Variants in NAALADL2 observed in about 807,000 individuals in gnomAD.
NAALADL2 encodes N-acetylated alpha-linked acidic dipeptidase like 2, also known as inactive N-acetylated-alpha-linked acidic dipeptidase-like protein 2.
In NAALADL2, 76 loss-of-function variants were observed where a neutral mutation model predicts 87.2. The observed-to-expected ratio is 0.87, with a 90% confidence interval of 0.72 to 1.05. The LOEUF is 1.05. Ranked by LOEUF, NAALADL2 falls within the 50% of genes least tolerant of loss-of-function variation. NAALADL2 has a pLI of 0.00. For synonymous variants in NAALADL2, 354 were observed against 331.0 expected (o/e 1.07, Z -0.75); for missense variants, 1,089 against 945.8 (o/e 1.15, Z -1.99).
At chr3:175,089,646 G>C (rs1270889324) in intron 1 of NAALADL2, among the ~76,000 whole-genome samples, 1 of 152,072 alleles carries the variant, frequency 6.6e-6, no homozygotes, top group Non-Finnish European at 1.5e-5. Context: ...TTGTCACTCT[G>C]TACATCAAAA....
intron 2 of NAALADL2, among the ~76,000 whole-genome samples, chr3:174,603,679 T>G (rs972493107): frequency 1.3e-5 from 2 of 152,096 alleles, no homozygotes; most frequent in African/African-American, 2.4e-5. Flanking sequence ...GGTTGTTTAT[T>G]TGAAGTTTTT....
chr3:174,988,654 G>C (rs927374276), intron 1 of NAALADL2, among the ~76,000 whole-genome samples: 1 of 152,104 alleles, frequency 6.6e-6, no homozygotes, highest in Non-Finnish European at 1.5e-5. Context: ...CTCTCTCCTA[G>C]CTTCTAGTAG....
At chr3:174,557,700 GT>G (rs35195211) in intron 2 of NAALADL2, among the ~76,000 whole-genome samples, 63,336 of 151,010 alleles carry the variant, frequency 0.42, 13,725 homozygotes, top group African/African-American at 0.52. Flanking sequence ...TACTAGAACT[GT>G]TTTTTTTTGT....
At chr3:174,811,553 C>T (rs1267951269) in intron 3 of NAALADL2, among the ~76,000 whole-genome samples, 1 of 152,138 alleles carries the variant, frequency 6.6e-6, no homozygotes, top group Admixed American at 6.5e-5. Context: ...GATTATTTAC[C>T]CAATGCCTAT....
At chr3:174,482,964 A>G (rs1218660368) in intron 1 of NAALADL2, among the ~76,000 whole-genome samples, 2 of 152,054 alleles carry the variant, frequency 1.3e-5, no homozygotes, top group African/African-American at 4.8e-5. Context: ...GTGATGTGTT[A>G]AAGTGATAAT....
chr3:175,577,354 T>G (rs1719049398), intron 10 of NAALADL2, among the ~76,000 whole-genome samples: 1 of 152,202 alleles, frequency 6.6e-6, no homozygotes, highest in African/African-American at 2.4e-5. Context: ...TATTGTCTGA[T>G]TGTAAGTACA....
chr3:175,134,455 G>A (rs1041948680), intron 2 of NAALADL2, among the ~76,000 whole-genome samples: 1 of 152,082 alleles, frequency 6.6e-6, no homozygotes, highest in Admixed American at 6.5e-5. Context: ...TTTCATGACT[G>A]TTTTGTAGCT....
At chr3:175,615,926 C>T (rs1290736604) in intron 10 of NAALADL2, among the ~76,000 whole-genome samples, 1 of 146,408 alleles carries the variant, frequency 6.8e-6, no homozygotes, top group Non-Finnish European at 1.5e-5. Context: ...TATATTATTA[C>T]ATATGATTAT....
chr3:175,156,616 A>G, intron 2 of NAALADL2, among the ~76,000 whole-genome samples: 2 of 152,204 alleles, frequency 1.3e-5, no homozygotes, highest in South Asian at 4.2e-4. Context: ...TACTGATTAA[A>G]TATTATTCTT....
chr3:174,904,228 G>A (rs1732699996), intron 1 of NAALADL2, among the ~76,000 whole-genome samples: 1 of 151,698 alleles, frequency 6.6e-6, no homozygotes, highest in Non-Finnish European at 1.5e-5. Flanking sequence ...CCAAAATCTG[G>A]ACTCAGTAAA....
intron 3 of NAALADL2, among the ~76,000 whole-genome samples, chr3:174,750,061 G>A (rs914970731): frequency 2.0e-5 from 3 of 152,120 alleles, no homozygotes. Flanking sequence ...TTTCCACCGT[G>A]TCTCCAGTCT....
At chr3:174,873,451 C>G (rs899455856) in intron 1 of NAALADL2, among the ~76,000 whole-genome samples, 12 of 151,956 alleles carry the variant, frequency 7.9e-5, no homozygotes, top group Non-Finnish European at 1.5e-4. Context: ...GATGGGGTTT[C>G]ACTCTTCTGG....
At chr3:175,384,645 T>C (rs1426013951) in intron 5 of NAALADL2, among the ~76,000 whole-genome samples, 4 of 151,896 alleles carry the variant, frequency 2.6e-5, no homozygotes, top group African/African-American at 9.7e-5. Context: ...AAATTATAAT[T>C]TCTCTTAAAT....
chr3:175,219,864 C>CTT lies in NAALADL2; in HGVS notation c.546-14065_546-14064dup, dbSNP rs1320578074. ...TCTCTCAATAATAGTTTGTGGTTTT[C>CTT]TTTCTTTTTTTTTTTTTTGCCTATC... On this transcript the variant is annotated intron_variant, in intron 2 of 13. Transcript: ENST00000454872. Among the ~76,000 whole-genome samples the CTT allele has an allele frequency of 3.5e-4, 42 of 118,692 alleles. 1 individual carries two copies. The highest frequency in any genetic ancestry group is 1.4e-3 in the African/African-American group (38 of 27,482). The allele number at this position is 118,692 out of a possible 152,430, so 77.9% of individuals were successfully genotyped here.
chr3:174,810,017 G>C (rs993156331), intron 3 of NAALADL2, among the ~76,000 whole-genome samples: 1 of 152,148 alleles, frequency 6.6e-6, no homozygotes, highest in African/African-American at 2.4e-5. Flanking sequence ...CTTCCATCAT[G>C]AGTAAAAGCT....
At chr3:175,389,843 A>C (rs1581692863) in intron 5 of NAALADL2, among the ~76,000 whole-genome samples, 1 of 152,314 alleles carries the variant, frequency 6.6e-6, no homozygotes, top group African/African-American at 2.4e-5. Context: ...GGAGAGAACA[A>C]TGTTTCTTAC....
At chr3:175,729,662 A>G (rs1360489197) in intron 11 of NAALADL2, among the ~76,000 whole-genome samples, 3 of 152,094 alleles carry the variant, frequency 2.0e-5, no homozygotes, top group Admixed American at 6.5e-5. Flanking sequence ...TGTTCTGACC[A>G]TGAGTCATCC....
intron 3 of NAALADL2, among the ~76,000 whole-genome samples, chr3:175,242,008 C>T (rs188645037): frequency 2.5e-4 from 38 of 151,234 alleles, no homozygotes; most frequent in African/African-American, 7.5e-4. Context: ...ATTACAGGCA[C>T]GCGCCCCCAT....
intron 4 of NAALADL2, among the ~76,000 whole-genome samples, chr3:175,271,507 C>T (rs1222222661): frequency 6.6e-6 from 1 of 152,096 alleles, no homozygotes; most frequent in African/African-American, 2.4e-5. Context: ...AAAATAGGCA[C>T]TTAGGCCGGT....
Sources: allele counts gnomAD v4.1 joint callset (sites outside exome capture counted in the v4.1 genomes callset), GRCh38; gene constraint gnomAD v4.1.1; transcripts MANE v1.5; gene names NCBI Gene and HGNC (gene_info 2026-07-23, HGNC 2026-07-21).